The following IKZF1 variants were observed in gnomAD, a reference collection of about 807,000 sequenced individuals.
IKZF1 encodes the protein DNA-binding protein Ikaros.
Under a neutral mutation model 51.7 loss-of-function variants are expected in IKZF1, and 10 were observed. The observed-to-expected ratio is 0.19, with a 90% CI of 0.12 to 0.33. The LOEUF is 0.33. Ranked by LOEUF, IKZF1 falls within the 10% of genes least tolerant of loss-of-function variation. IKZF1 has a pLI of 1.00. For missense variants in IKZF1, 484 were observed against 707.5 expected, an observed-to-expected ratio of 0.68 and a Z score of 3.58; for synonymous variants, 280 against 282.3, an observed-to-expected ratio of 0.99 and a Z score of 0.08.
intron 3 of IKZF1, chr7:50,369,825 A>T (rs1363039148): frequency 2.7e-6 from 1 of 368,872 alleles, no homozygotes; most frequent in East Asian, 3.8e-5. Context: ...CCCTGACTTC[A>T]TTCCATTTAA....
intron 6 of IKZF1, among the ~76,000 whole-genome samples, chr7:50,390,052 A>G (rs898635296): frequency 6.6e-6 from 1 of 152,186 alleles, no homozygotes; most frequent in Non-Finnish European, 1.5e-5. Flanking sequence ...TAATTTCTCA[A>G]TGTCTTTATG....
chr7:50,337,758 T>C (rs2153409809), intron 3 of IKZF1, among the ~76,000 whole-genome samples: 1 of 152,326 alleles, frequency 6.6e-6, no homozygotes, highest in African/African-American at 2.4e-5. Context: ...TTCATCATCT[T>C]ATTTTAGGTC....
Position 50,400,303 on chromosome 7 carries a change from C to A in IKZF1, c.1236C>A (p.Ile412=). Residue 412 remains isoleucine (I), a synonymous_variant, in exon 8 of 8, where the codon ATC becomes ATA. Coordinates refer to ENST00000331340, the MANE Select transcript of IKZF1 (RefSeq NM_006060.6). This position sits in a 1 kb window ranked among gnomAD's most constrained non-coding sequence, Gnocchi z 5.4. The stretch of plus-strand genomic sequence containing the variant: ...ACGAGGAGCAGCGCAGCGGTCTCAT[C>A]TACCTGACCAACCACATCGCCCCGC... ...SNNEEQRSGL[I]YLTNHIAPHA... The A allele has an allele frequency of 6.2e-7, 1 of 1,613,064 alleles. No individual in the cohort carries two copies.
At chr7:50,319,934 C>G (rs1035396207) in intron 2 of IKZF1, among the ~76,000 whole-genome samples, 3 of 152,170 alleles carry the variant, frequency 2.0e-5, no homozygotes, top group Admixed American at 6.5e-5. Flanking sequence ...TGATGAAGAC[C>G]AGGACCTATG....
In IKZF1 at chr7:50,342,958, C is replaced by A. The variant is rs191743776; in HGVS notation, c.160+15201C>A. Among the ~76,000 whole-genome samples the A allele has an allele frequency of 1.3e-3, 199 of 152,336 alleles. 2 individuals are homozygous for A. In the Middle Eastern group the frequency reaches 0.014, roughly 10 times the overall value. ...GAAGCTTTGATTGGGCCGTTACTGT[C>A]TTTTGACCTTTCTTGTTTGCTTGCC... On this transcript the variant is annotated intron_variant, in intron 3 of 7. Transcript: ENST00000331340.
intron 3 of IKZF1, among the ~76,000 whole-genome samples, chr7:50,352,701 T>C (rs909385066): frequency 2.6e-5 from 4 of 152,198 alleles, no homozygotes; most frequent in Admixed American, 2.0e-4. Context: ...CTCTCTTCAG[T>C]TTTTTCATTT....
chr7:50,338,777 G>C (rs1387587076), intron 3 of IKZF1, among the ~76,000 whole-genome samples: 1 of 152,206 alleles, frequency 6.6e-6, no homozygotes, highest in Non-Finnish European at 1.5e-5. Context: ...TCTCTTGCTG[G>C]CAAGGCAGGG....
chr7:50,349,914 T>C (rs1023548617), intron 3 of IKZF1, among the ~76,000 whole-genome samples: 19 of 152,334 alleles, frequency 1.2e-4, no homozygotes, highest in Non-Finnish European at 2.4e-4. Context: ...GTCAAGACTT[T>C]GGAAACAAGA....
chr7:50,372,028 C>T (rs999590673), intron 3 of IKZF1, among the ~76,000 whole-genome samples: 3 of 152,214 alleles, frequency 2.0e-5, no homozygotes, highest in Non-Finnish European at 4.4e-5. Flanking sequence ...CAGGTCCTTA[C>T]ATTTATGACT....
At position 50,309,161 on chromosome 7, in the gene IKZF1, A is replaced by G. The variant is rs375549375; in HGVS notation, c.-15+4239A>G. ...GCCACGGCTTAACAAATGGCTGAAA[A>G]TGGGTCCTAATTAGTGGAAAAGTGC... On this transcript the variant is annotated intron_variant, in intron 1 of 7. Coordinates refer to ENST00000331340, the MANE Select transcript of IKZF1 (RefSeq NM_006060.6). 2.4e-3 allele frequency among the ~76,000 whole-genome samples: 366 copies of G among 152,314 alleles called. 1 individual carries two copies. The highest frequency in any genetic ancestry group is 8.3e-3 in the African/African-American group (343 of 41,554).
At chr7:50,317,576 T>G (rs1190972782) in intron 1 of IKZF1, among the ~76,000 whole-genome samples, 1 of 152,130 alleles carries the variant, frequency 6.6e-6, no homozygotes, top group African/African-American at 2.4e-5. Flanking sequence ...CTGAAATACT[T>G]TTTCTGTACA....
intron 6 of IKZF1, among the ~76,000 whole-genome samples, chr7:50,388,738 A>G (rs1814143218): frequency 6.6e-6 from 1 of 152,266 alleles, no homozygotes; most frequent in Non-Finnish European, 1.5e-5. Context: ...ACCCCAGGGC[A>G]GAAGACTAAT....
chr7:50,367,221 C>G (rs192833726), intron 3 of IKZF1, among the ~76,000 whole-genome samples: 1 of 152,330 alleles, frequency 6.6e-6, no homozygotes, highest in African/African-American at 2.4e-5. Flanking sequence ...ACTCTGCTAA[C>G]CTAGGAACTC....
chr7:50,373,476 A>G (rs1809324058), intron 3 of IKZF1, among the ~76,000 whole-genome samples: 1 of 152,178 alleles, frequency 6.6e-6, no homozygotes, highest in African/African-American at 2.4e-5. Flanking sequence ...GTAGGGGAAC[A>G]TGCCAAGAGG....
intron 1 of IKZF1, among the ~76,000 whole-genome samples, chr7:50,306,393 C>T (rs564217229): frequency 1.3e-5 from 2 of 152,298 alleles, no homozygotes; most frequent in South Asian, 4.1e-4. Flanking sequence ...TTTTCTTCCC[C>T]TTTTGTTTCA....
At position 50,400,629 on chromosome 7, in the gene IKZF1, G is replaced by T; in HGVS notation, c.*2G>T. The T allele has an allele frequency of 1.2e-6, 2 of 1,602,718 alleles. No homozygotes were observed. On this transcript the variant is annotated 3_prime_UTR_variant, in exon 8 of 8. Coordinates refer to ENST00000331340, the MANE Select transcript of IKZF1 (RefSeq NM_006060.6). This position sits in a 1 kb window ranked among gnomAD's most constrained non-coding sequence, Gnocchi z 5.4. ...GAGCACCGCTTCCACATGAGCTAAA[G>T]CCCTCCCGCGCCCCCACCCCAGACC... is the stretch of plus-strand genomic sequence containing the variant.
At chr7:50,323,170 ACCTCACAAGGAC>A (rs1338766226) in intron 2 of IKZF1, among the ~76,000 whole-genome samples, 3 of 152,164 alleles carry the variant, frequency 2.0e-5, no homozygotes, top group African/African-American at 7.2e-5. Context: ...TCTCCTTTCA[ACCTCACAAGGAC>A]CCACAGAAGA....
chr7:50,400,270 G>C lies in IKZF1; in HGVS notation c.1203G>C (p.Glu401Asp), dbSNP rs1223738119. 4.3e-6 allele frequency: 7 copies of C among 1,612,278 alleles called. No homozygotes were observed. In the African/African-American group the frequency reaches 9.3e-5, roughly 22 times the overall value. ...GCTGCCAAGACTCCACGGACACCGA[G>C]AGCAACAACGAGGAGCAGCGCAGCG... ...SNSCQDSTDT[E>D]SNNEEQRSGL... Residue 401 changes from glutamate (E) to aspartate (D), a missense_variant, in exon 8 of 8, where the codon GAG (glutamate) becomes GAC (aspartate). Physicochemically the swap from Glu to Asp is conservative, Grantham distance 45. This residue lies in a region of IKZF1 where 27 missense variants were observed against 56.8 expected (regional missense o/e 0.48). Transcript: ENST00000331340. This position sits in a 1 kb window ranked among gnomAD's most constrained non-coding sequence, Gnocchi z 5.4.
At chr7:50,316,766 G>A (rs1233559634) in intron 1 of IKZF1, among the ~76,000 whole-genome samples, 1 of 152,260 alleles carries the variant, frequency 6.6e-6, no homozygotes, top group Non-Finnish European at 1.5e-5. Context: ...TCTCCATGCA[G>A]CAAACTCAGA....
Sources: allele counts gnomAD v4.1 joint callset (sites outside exome capture counted in the v4.1 genomes callset), GRCh38; gene constraint gnomAD v4.1.1; regional missense constraint gnomAD v4.1.1; non-coding constraint Gnocchi (gnomAD v3.1); transcripts MANE v1.5; gene names NCBI Gene and HGNC (gene_info 2026-07-23, HGNC 2026-07-21).